The following HAP1 variants were observed in gnomAD, a reference collection of about 807,000 sequenced individuals.
HAP1 encodes the protein huntingtin associated protein 1.
A neutral mutation model predicts 60.3 loss-of-function variants in HAP1; 59 were observed. The ratio of observed to expected loss-of-function variants is 0.98; its 90% CI spans 0.79 to 1.22. The LOEUF is 1.22. Ranked by LOEUF, HAP1 falls within the 50% of genes most tolerant of loss-of-function variation. The probability of loss-of-function intolerance (pLI) is 0.00; values close to 1 mark genes in which losing one functional copy is unlikely to be tolerated. For synonymous variants in HAP1, 346 were observed against 330.6 expected (o/e 1.05, Z -0.50); for missense variants, 825 against 785.3 (o/e 1.05, Z -0.60).
At chr17:41,721,451 T>G (rs1911198559), downstream of HAP1, 1 of 155,962 alleles carries the variant, frequency 6.4e-6, no homozygotes, top group Non-Finnish European at 1.5e-5. Flanking sequence ...TTTTAGGAAA[T>G]TTCACTGCTT....
downstream of HAP1, chr17:41,722,281 T>G (rs1555587264): frequency 6.6e-6 from 1 of 152,324 alleles, no homozygotes; most frequent in African/African-American, 2.4e-5. Flanking sequence ...CCAGGTCTGC[T>G]CTGGGGACTT....
Position 41,724,482 on chromosome 17 carries a change from T to C in HAP1, c.*219A>G. The C allele has an allele frequency of 1.7e-6, 1 of 579,720 alleles. No individual in the cohort carries two copies. Among genetic ancestry groups the C allele is most frequent in the Non-Finnish European group, 3.1e-6 (1 of 324,906 alleles). 35.9% of individuals were successfully genotyped at this position (579,720 alleles called of 1,614,324 possible). A position where few individuals can be genotyped will look rare whatever the true frequency, so the allele number is the denominator to read the frequency against. On this transcript the variant is annotated 3_prime_UTR_variant, in exon 11 of 11. Transcript: ENST00000347901. ...GCTGAGGCGCAGTGTGGGGGCACAGTCCCAGCCCTAACCCCCAGCCCAGCC... is the reference window on the plus strand; with the variant it reads ...GCTGAGGCGCAGTGTGGGGGCACAGCCCCAGCCCTAACCCCCAGCCCAGCC...
chr17:41,725,873 G>A lies in HAP1; in HGVS notation c.1392C>T (p.Asp464=). Residue 464 remains aspartate (D), a synonymous_variant, in exon 10 of 11, where the codon GAC becomes GAT. Transcript: ENST00000347901. ...GGCAGGCTTACCTTAGGCTGGATGT[G>A]TCCCCTCTGGGCATCTCATAATTCC... ...MERNYEMPRG[D]TSSLRYDFRY... 2 of 1,612,936 alleles carry A rather than the reference G, an allele frequency of 1.2e-6. No homozygotes were observed. The highest frequency in any genetic ancestry group is 3.3e-5 in the Admixed American group (2 of 60,016).
In HAP1 at chr17:41,728,120, T is replaced by C. The variant is rs1597740744; in HGVS notation, c.1200+81A>G. ...ACACAGAAAGGGACCTCAGGCCTGG[T>C]GGAGCCGAGTGGAGGCAGGAAGAAG... On this transcript the variant is annotated intron_variant, in intron 7 of 10. Coordinates refer to ENST00000347901, the MANE Select transcript of HAP1 (RefSeq NM_177977.3). 5.9e-6 allele frequency: 9 copies of C among 1,514,678 alleles called. No homozygotes were observed. The East Asian group carries it at 6.7e-5, about 11-fold the overall frequency. 93.8% of individuals were successfully genotyped at this position (1,514,678 alleles called of 1,614,324 possible).
At position 41,734,572 on chromosome 17, in the gene HAP1, T is replaced by C. The variant is rs1555592335; in HGVS notation, c.63A>G (p.Ala21=). 5.0e-6 allele frequency: 8 copies of C among 1,597,168 alleles called. No homozygotes were observed. The highest frequency in any genetic ancestry group is 1.7e-4 in the Middle Eastern group (1 of 5,814). The change falls in exon 1 of 11, where the codon GCA becomes GCG. Residue 21 remains alanine (A), a synonymous_variant. Transcript: ENST00000347901. The part of the protein sequence containing the change: ...AGSRLGPGDP[A]ALTCAPSPSA... ...AGGGCGAAGGTGCACAGGTGAGTGCTGCTGGGTCCCCGGGTCCGAGCCGGC... is the reference window on the plus strand; with the variant it reads ...AGGGCGAAGGTGCACAGGTGAGTGCCGCTGGGTCCCCGGGTCCGAGCCGGC...
chr17:41,720,056 A>C (rs1299425594), downstream of HAP1, among the ~76,000 whole-genome samples: 3 of 151,112 alleles, frequency 2.0e-5, no homozygotes, highest in African/African-American at 7.3e-5. Flanking sequence ...CGCCTGGCTA[A>C]TTTTTTGTAT....
chr17:41,718,177 C>T (rs1911057645), downstream of HAP1: 1 of 301,424 alleles, frequency 3.3e-6, no homozygotes, highest in East Asian at 7.6e-5. Flanking sequence ...CCACCCTGAA[C>T]GCGCCCGATC....
In HAP1 at chr17:41,727,749, C is replaced by G. The variant is rs1280460851; in HGVS notation, c.1275+13G>C. 1 of 1,590,280 alleles carries G rather than the reference C, an allele frequency of 6.3e-7. No homozygotes were observed. The highest frequency in any genetic ancestry group is 8.6e-7 in the Non-Finnish European group (1 of 1,160,598). On this transcript the variant is annotated intron_variant, in intron 8 of 10. Coordinates refer to ENST00000347901, the MANE Select transcript of HAP1 (RefSeq NM_177977.3). ...TCTCCAGGGTGGGGGCAGAAGCCGGCAGCGAGACTCACCTCTTCCTGGAGC... is the reference window on the plus strand; with the variant it reads ...TCTCCAGGGTGGGGGCAGAAGCCGGGAGCGAGACTCACCTCTTCCTGGAGC...
At chr17:41,720,358 G>A (rs1911150574), downstream of HAP1, among the ~76,000 whole-genome samples, 2 of 151,510 alleles carry the variant, frequency 1.3e-5, no homozygotes, top group Admixed American at 6.6e-5. Flanking sequence ...ACCACACCTG[G>A]CTAATTTTGT....
chr17:41,730,877 GC>G (rs1269829553), intron 6 of HAP1, among the ~76,000 whole-genome samples: 1 of 151,206 alleles, frequency 6.6e-6, no homozygotes, highest in Non-Finnish European at 1.5e-5. Context: ...CCTCTTGCCT[GC>G]CCCAAATAAG....
chr17:41,724,934 C>T lies in HAP1; in HGVS notation c.1627G>A (p.Val543Met), dbSNP rs781843698. ...GTTGCCTCATCCAGCTCCAGTTCCA[C>T]CTCCTCCCAGCCCTCGGTCTCCTCT... ...VSEETEGWEEVELELDEATRM... is the reference protein window; with the variant it reads ...VSEETEGWEEMELELDEATRM... Residue 543 changes from valine (V) to methionine (M), a missense_variant, in exon 11 of 11, where the codon GTG becomes ATG. By Grantham distance (21) the Val-to-Met change is conservative (BLOSUM62 1). Coordinates refer to ENST00000347901, the MANE Select transcript of HAP1 (RefSeq NM_177977.3). 3 of 1,613,284 alleles carry T rather than the reference C, an allele frequency of 1.9e-6. No individual in the cohort carries two copies. The highest frequency in any genetic ancestry group is 4.5e-5 in the East Asian group (2 of 44,874).
intron 2 of HAP1, 146 bp from the exon 3 acceptor site, chr17:41,732,540 G>T: frequency 1.0e-6 from 1 of 991,984 alleles, no homozygotes; most frequent in Non-Finnish European, 1.5e-6. Flanking sequence ...AAGAAGATCA[G>T]ACCAGATTGG....
intron 6 of HAP1, among the ~76,000 whole-genome samples, chr17:41,731,097 G>C (rs1433773807): frequency 6.6e-6 from 1 of 152,118 alleles, no homozygotes; most frequent in Non-Finnish European, 1.5e-5. Context: ...TTTTAGTAGA[G>C]ATAGGGTTTC....
In HAP1 at chr17:41,722,670, C is replaced by T. The variant is rs1555587357; in HGVS notation, c.*2031G>A. On this transcript the variant is annotated 3_prime_UTR_variant, in exon 11 of 11. Transcript: ENST00000347901. ...GGGTATAGATCCTTTATTTCCTGCA[C>T]CACACGCACACAGGCTGACAAGCAA... 1 of 152,302 alleles carries T rather than the reference C, an allele frequency of 6.6e-6. No homozygotes were observed. Among genetic ancestry groups the T allele is most frequent in the Non-Finnish European group, 1.5e-5 (1 of 68,112 alleles). 9.4% of individuals were successfully genotyped at this position (152,302 alleles called of 1,614,324 possible).
rs2143259660 is a variant in HAP1, at chr17:41,732,391, G to A, written c.553C>T (p.Leu185Phe). 1 of 1,613,998 alleles carries A rather than the reference G, an allele frequency of 6.2e-7. No homozygotes were observed. Among genetic ancestry groups the A allele is most frequent in the Non-Finnish European group, 8.5e-7 (1 of 1,179,988 alleles). ...GTAACGCTCTCCCAGACAGGTGGGA[G>A]AAGCTGGGGGGGACACAGGGGTCAG... is the stretch of plus-strand genomic sequence containing the variant. ...KVMLYLLEEL[L>F]PPVWESVTYG... The change falls in exon 3 of 11, where the codon CTC becomes TTC. Residue 185 changes from leucine (L) to phenylalanine (F), a missense_variant. Leu to Phe is a conservative substitution (Grantham distance 22). Coordinates refer to ENST00000347901, the MANE Select transcript of HAP1 (RefSeq NM_177977.3).
At position 41,725,040 on chromosome 17, in the gene HAP1, C is replaced by A. The variant is rs947520713; in HGVS notation, c.1521G>T (p.Glu507Asp). The A allele has an allele frequency of 1.2e-6, 2 of 1,612,524 alleles. No individual in the cohort carries two copies. The highest frequency in any genetic ancestry group is 1.7e-6 in the Non-Finnish European group (2 of 1,179,160). Residue 507 changes from glutamate (E) to aspartate (D), a missense_variant, in exon 11 of 11, where the codon GAG (glutamate) becomes GAT (aspartate). Transcript: ENST00000347901. ...CCCCCAGCTCCTCCTGGGGCACGAA[C>A]TCCTCCGCAGGCGTGAAATCTTCCC... Reference protein sequence around the residue: ...MRGEDFTPAEEFVPQEELGAA... With the variant: ...MRGEDFTPAEDFVPQEELGAA...
In HAP1 at chr17:41,734,612, C is replaced by T. The variant is rs62065876; in HGVS notation, c.23G>A (p.Arg8Gln). 3.2e-6 allele frequency: 5 copies of T among 1,553,154 alleles called. No individual in the cohort carries two copies. The South Asian group carries it at 5.8e-5, about 18-fold the overall frequency. Residue 8 changes from arginine (R) to glutamine (Q), a missense_variant, in exon 1 of 11, where the codon CGG (arginine) becomes CAG (glutamine). Coordinates refer to ENST00000347901, the MANE Select transcript of HAP1 (RefSeq NM_177977.3). ...TCCGAGCCGGCTCCCCGCGCAGCAC[C>T]GGCCCAACCTCTTCGGGCGCATCTC... MRPKRLG[R>Q]CCAGSRLGPG...
chr17:41,724,932 C>T lies in HAP1; in HGVS notation c.1629G>A (p.Val543=), dbSNP rs781944086. Residue 543 remains valine (V), a synonymous_variant, in exon 11 of 11, where the codon GTG becomes GTA. Coordinates refer to ENST00000347901, the MANE Select transcript of HAP1 (RefSeq NM_177977.3). The part of the protein sequence containing the change: ...VSEETEGWEE[V]ELELDEATRM... ...GCGTTGCCTCATCCAGCTCCAGTTCCACCTCCTCCCAGCCCTCGGTCTCCT... is the reference window on the plus strand; with the variant it reads ...GCGTTGCCTCATCCAGCTCCAGTTCTACCTCCTCCCAGCCCTCGGTCTCCT... 143 of 1,613,100 alleles carry T rather than the reference C, an allele frequency of 8.9e-5. No individual in the cohort carries two copies. The highest frequency in any genetic ancestry group is 1.2e-4 in the Non-Finnish European group (138 of 1,179,988).
chr17:41,732,029 CTCTTCTTCATCCTCA>C lies in HAP1; in HGVS notation c.789_803del (p.Asp263_Glu267del). The C allele has an allele frequency of 6.4e-7, 1 of 1,555,836 alleles. No individual in the cohort carries two copies. Among genetic ancestry groups the C allele is most frequent in the East Asian group, 2.2e-5 (1 of 44,582 alleles). On this transcript the variant is annotated inframe_deletion, in exon 4 of 11. Coordinates refer to ENST00000347901, the MANE Select transcript of HAP1 (RefSeq NM_177977.3). Reference sequence around the variant, plus strand: ...CTTCTGCCTCCTTTTCTTCCTCCTCCTCTTCTTCATCCTCATCCTCCTCATCAGAATCTGAGTAGA... The same window carrying C: ...CTTCTGCCTCCTTTTCTTCCTCCTCCTCCTCCTCATCAGAATCTGAGTAGA...
Sources: allele counts gnomAD v4.1 joint callset (sites outside exome capture counted in the v4.1 genomes callset), GRCh38; gene constraint gnomAD v4.1.1; transcripts MANE v1.5; gene names NCBI Gene and HGNC (gene_info 2026-07-23, HGNC 2026-07-21).